PTPRD: variants seen among roughly 807,000 people sequenced by gnomAD.
PTPRD encodes protein tyrosine phosphatase receptor type D.
A neutral mutation model predicts 214.5 loss-of-function variants in PTPRD; 34 were observed. That is an observed-to-expected ratio of 0.16 (90% confidence interval 0.12 to 0.21). The LOEUF (loss-of-function observed/expected upper bound fraction) is 0.21, where lower values mean the gene tolerates loss of function less well. PTPRD is among the 10% of genes least tolerant of loss of function. The pLI, the probability that PTPRD is intolerant of heterozygous loss-of-function variation, is 1.00. For synonymous variants in PTPRD, 1,128 were observed against 845.7 expected (o/e 1.33, Z -5.79); for missense variants, 2,545 against 2,398.7 (o/e 1.06, Z -1.27).
chr9:9,066,720 G>A (rs2099735054), intron 10 of PTPRD, among the ~76,000 whole-genome samples: 1 of 152,176 alleles, frequency 6.6e-6, no homozygotes, highest in Admixed American at 6.5e-5. Flanking sequence ...CAAAGGCAGA[G>A]ATTGAAATGA....
intron 5 of PTPRD, among the ~76,000 whole-genome samples, chr9:9,814,920 C>T (rs985997911): frequency 4.0e-5 from 6 of 151,368 alleles, no homozygotes; most frequent in Non-Finnish European, 8.8e-5. Context: ...TCACCTCAGC[C>T]TCTTGAGTAG....
At position 9,098,791 on chromosome 9, in the gene PTPRD, G is replaced by A. The variant is rs189442479; in HGVS notation, c.-142-80056C>T. Among the ~76,000 whole-genome samples the A allele has an allele frequency of 2.1e-3, 317 of 152,262 alleles. 1 individual carries two copies. The highest frequency in any genetic ancestry group is 7.4e-3 in the African/African-American group (306 of 41,558). The stretch of plus-strand genomic sequence containing the variant: ...ATTTTGTAAAATTCATCATTTGTAT[G>A]TAATACAAGGCAGAAATTCTATTCC... On this transcript the variant is annotated intron_variant, in intron 10 of 45. Coordinates refer to ENST00000381196, the MANE Select transcript of PTPRD (RefSeq NM_002839.4).
At chr9:9,648,755 G>A (rs777028467) in intron 7 of PTPRD, among the ~76,000 whole-genome samples, 4 of 152,100 alleles carry the variant, frequency 2.6e-5, no homozygotes, top group Non-Finnish European at 4.4e-5. Flanking sequence ...AGATATAAAC[G>A]TAATGTTCTT....
chr9:9,935,939 CT>C (rs1313538787), intron 5 of PTPRD, among the ~76,000 whole-genome samples: 1 of 151,184 alleles, frequency 6.6e-6, no homozygotes, highest in Non-Finnish European at 1.5e-5. Context: ...CTACAACTAT[CT>C]GATCTTTGAC....
chr9:9,336,657 A>G (rs1183851721), intron 9 of PTPRD, among the ~76,000 whole-genome samples: 1 of 152,180 alleles, frequency 6.6e-6, no homozygotes, highest in African/African-American at 2.4e-5. Flanking sequence ...ATCCAGGCAG[A>G]AATATGCTAA....
At chr9:10,487,831 G>GA (rs1403720888) in intron 2 of PTPRD, among the ~76,000 whole-genome samples, 1 of 134,570 alleles carries the variant, frequency 7.4e-6, no homozygotes, top group Non-Finnish European at 1.6e-5. Context: ...ATTTTTAGAA[G>GA]AACTTTTTTT....
intron 9 of PTPRD, among the ~76,000 whole-genome samples, chr9:9,215,564 G>A (rs2099951623): frequency 1.3e-5 from 2 of 152,264 alleles, no homozygotes; most frequent in African/African-American, 4.8e-5. Flanking sequence ...TGTTTTGGCA[G>A]GAATTTCCCC....
At chr9:9,074,807 A>G (rs1403553271) in intron 10 of PTPRD, among the ~76,000 whole-genome samples, 1 of 151,720 alleles carries the variant, frequency 6.6e-6, no homozygotes, top group Non-Finnish European at 1.5e-5. Flanking sequence ...TCTACCATAT[A>G]TATGTAAAAT....
chr9:8,851,388 G>A (rs2097809117), intron 11 of PTPRD, among the ~76,000 whole-genome samples: 1 of 152,116 alleles, frequency 6.6e-6, no homozygotes, highest in African/African-American at 2.4e-5. Flanking sequence ...TGCTTTAAAT[G>A]CTTTCTAAGA....
intron 7 of PTPRD, among the ~76,000 whole-genome samples, chr9:9,601,070 G>A (rs938525792): frequency 7.0e-6 from 1 of 142,694 alleles, no homozygotes; most frequent in African/African-American, 2.6e-5. Flanking sequence ...AAACTCATTG[G>A]TATCACACAG....
chr9:10,159,494 C>T (rs781592145), intron 3 of PTPRD, among the ~76,000 whole-genome samples: 2 of 151,932 alleles, frequency 1.3e-5, no homozygotes, highest in Non-Finnish European at 2.9e-5. Flanking sequence ...TAGAAAACCA[C>T]GACCTCCACA....
chr9:9,015,252 A>G (rs1421947892), intron 11 of PTPRD, among the ~76,000 whole-genome samples: 3 of 152,144 alleles, frequency 2.0e-5, no homozygotes, highest in Admixed American at 6.6e-5. Context: ...AAGGCATTCT[A>G]AGTCACAGGA....
intron 14 of PTPRD, among the ~76,000 whole-genome samples, chr9:8,627,993 G>C (rs1206316950): frequency 6.6e-6 from 1 of 151,892 alleles, no homozygotes; most frequent in Non-Finnish European, 1.5e-5. Context: ...TATTTTATAA[G>C]CCTTTTCAAG....
Position 8,327,817 on chromosome 9 carries a change from T to C in PTPRD, c.5534+3765A>G, listed in dbSNP as rs140463902. ...CTTTGTTGGTTTAAAGTCCGTTTTA[T>C]CAGAGACTAGGATTGTATCCCCTGC... On this transcript the variant is annotated intron_variant, in intron 44 of 45. Transcript: ENST00000381196. Among the ~76,000 whole-genome samples, 25 of 152,350 alleles carry C rather than the reference T, an allele frequency of 1.6e-4. No individual in the cohort carries two copies. The East Asian group carries it at 4.8e-3, about 29-fold the overall frequency.
At chr9:9,933,546 C>T (rs1330098262) in intron 5 of PTPRD, among the ~76,000 whole-genome samples, 5 of 151,836 alleles carry the variant, frequency 3.3e-5, no homozygotes, top group African/African-American at 9.7e-5. Flanking sequence ...AATATATATA[C>T]ACCCAACACA....
chr9:10,241,765 G>C (rs943553893), intron 3 of PTPRD, among the ~76,000 whole-genome samples: 20 of 151,868 alleles, frequency 1.3e-4, no homozygotes, highest in Admixed American at 9.2e-4. Flanking sequence ...ATTTTCATGT[G>C]GGTATAATTT....
chr9:9,352,296 T>C (rs1233788285), intron 9 of PTPRD, among the ~76,000 whole-genome samples: 3 of 150,256 alleles, frequency 2.0e-5, no homozygotes, highest in African/African-American at 7.3e-5. Context: ...ACACAAACAA[T>C]ACTGCCAAAA....
chr9:9,817,090 G>C (rs1236994285), intron 5 of PTPRD, among the ~76,000 whole-genome samples: 3 of 152,076 alleles, frequency 2.0e-5, no homozygotes, highest in Non-Finnish European at 4.4e-5. Flanking sequence ...GCTTCCCCTA[G>C]GCAAGCTAAG....
At chr9:10,257,638 G>A (rs901790543) in intron 3 of PTPRD, among the ~76,000 whole-genome samples, 1 of 152,148 alleles carries the variant, frequency 6.6e-6, no homozygotes, top group Non-Finnish European at 1.5e-5. Flanking sequence ...CTCTCTGTTA[G>A]AATAGCTGTA....
Sources: gnomAD v4.1 joint callset for allele counts (sites outside exome capture counted in the v4.1 genomes callset) on GRCh38, gnomAD v4.1.1 for gene constraint, MANE v1.5 for transcripts, NCBI Gene and HGNC (gene_info 2026-07-23, HGNC 2026-07-21) for gene names.